The following PRDM16 variants were observed in gnomAD, a reference collection of about 807,000 sequenced individuals.
PRDM16 encodes PR/SET domain 16, also known as histone-lysine N-methyltransferase PRDM16.
PRDM16 carries 23 observed loss-of-function variants against 110.6 expected under a neutral mutation model. The observed-to-expected ratio is 0.21, with a 90% CI of 0.15 to 0.29. The LOEUF (loss-of-function observed/expected upper bound fraction) is 0.29. Among genes scored for constraint, PRDM16 ranks in the 10% least tolerant of loss-of-function variants. The pLI is 1.00. For missense variants in PRDM16, 1,615 were observed against 1,794.3 expected, an observed-to-expected ratio of 0.90 and a Z score of 1.81; for synonymous variants, 799 against 781.8, an observed-to-expected ratio of 1.02 and a Z score of -0.37.
intron 1 of PRDM16, among the ~76,000 whole-genome samples, chr1:3,077,558 G>T (rs1641928035): frequency 6.6e-6 from 1 of 152,244 alleles, no homozygotes; most frequent in Admixed American, 6.5e-5. Flanking sequence ...GTGTTTAGTA[G>T]GTGCTTTTTC....
chr1:3,135,400 A>G (rs1246289261), intron 1 of PRDM16, among the ~76,000 whole-genome samples: 2 of 152,144 alleles, frequency 1.3e-5, no homozygotes, highest in East Asian at 3.9e-4. Flanking sequence ...AAGAAAACAC[A>G]AGAGCCCACA....
intron 16 of PRDM16, 72 bp downstream of exon 16, chr1:3,432,212 C>A: frequency 7.2e-7 from 1 of 1,384,514 alleles, no homozygotes; most frequent in South Asian, 1.3e-5. Flanking sequence ...GCACTCCTCT[C>A]CCGCCGTGGC....
At chr1:3,158,660 T>C (rs1240626303) in intron 1 of PRDM16, among the ~76,000 whole-genome samples, 1 of 151,690 alleles carries the variant, frequency 6.6e-6, no homozygotes, top group African/African-American at 2.4e-5. Flanking sequence ...TTCTTTTTCT[T>C]TTTTCTCTCT....
intron 1 of PRDM16, among the ~76,000 whole-genome samples, chr1:3,173,087 C>T (rs574338839): frequency 6.6e-6 from 1 of 152,222 alleles, no homozygotes; most frequent in Non-Finnish European, 1.5e-5. Context: ...AGGAGAGGCA[C>T]CCCGCTCTGC....
intron 3 of PRDM16, among the ~76,000 whole-genome samples, chr1:3,302,112 A>T (rs1301313925): frequency 6.6e-6 from 1 of 152,168 alleles, no homozygotes; most frequent in African/African-American, 2.4e-5. Flanking sequence ...CCTAGGAGAG[A>T]TACTGTGTTA....
intron 1 of PRDM16, among the ~76,000 whole-genome samples, chr1:3,154,696 G>A (rs894538612): frequency 7.2e-5 from 11 of 152,276 alleles, no homozygotes; most frequent in Non-Finnish European, 1.2e-4. Context: ...TGCTGGTCGC[G>A]GTGGAGGAAG....
chr1:3,335,102 G>A (rs1373812086), intron 3 of PRDM16, among the ~76,000 whole-genome samples: 3 of 152,178 alleles, frequency 2.0e-5, no homozygotes, highest in African/African-American at 4.8e-5. Context: ...GAGGGTGGGC[G>A]CCCTGAGAGA....
intron 1 of PRDM16, among the ~76,000 whole-genome samples, chr1:3,180,846 ACACGCAGTCTTACG>A (rs1644143054): frequency 6.7e-6 from 1 of 149,048 alleles, no homozygotes. Flanking sequence ...CTCTGCTTAC[ACACGCAGTCTTACG>A]CACGGCCTTA....
chr1:3,069,252 C>G lies in PRDM16; in HGVS notation c.-8C>G, dbSNP rs1212132621. The G allele has an allele frequency of 6.3e-7, 1 of 1,576,808 alleles. No individual in the cohort carries two copies. The highest frequency in any genetic ancestry group is 1.1e-5 in the South Asian group (1 of 87,284). ...AGGAGGAGGAGAGAGATTCCGCGAGCCGACACCATGCGATCCAAGGCGAGG... is the reference window on the plus strand; with the variant it reads ...AGGAGGAGGAGAGAGATTCCGCGAGGCGACACCATGCGATCCAAGGCGAGG... On this transcript the variant is annotated 5_prime_UTR_variant, in exon 1 of 17. Coordinates refer to ENST00000270722, the MANE Select transcript of PRDM16 (RefSeq NM_022114.4). This position sits in a 1 kb window ranked among gnomAD's most constrained non-coding sequence, Gnocchi z 6.1.
intron 1 of PRDM16, among the ~76,000 whole-genome samples, chr1:3,097,089 C>T (rs1475693786): frequency 6.6e-6 from 1 of 152,170 alleles, no homozygotes; most frequent in Non-Finnish European, 1.5e-5. Context: ...GACAGCGCTT[C>T]ACCCAGGCCG....
intron 1 of PRDM16, among the ~76,000 whole-genome samples, chr1:3,090,101 C>T (rs1384193983): frequency 6.6e-6 from 1 of 152,210 alleles, no homozygotes; most frequent in Non-Finnish European, 1.5e-5. Context: ...ACAAACCCCC[C>T]AGCCAGGATG....
chr1:3,272,368 G>A (rs1168382046), intron 3 of PRDM16, among the ~76,000 whole-genome samples: 3 of 152,202 alleles, frequency 2.0e-5, no homozygotes, highest in Non-Finnish European at 4.4e-5. Flanking sequence ...GCCAAGGCTG[G>A]ATGTGTTTTT....
At chr1:3,083,207 G>T (rs897255289) in intron 1 of PRDM16, among the ~76,000 whole-genome samples, 2 of 152,192 alleles carry the variant, frequency 1.3e-5, no homozygotes, top group African/African-American at 2.4e-5. Flanking sequence ...CTGGATGAGC[G>T]CAGTGGCAAT....
rs1412767477 is a variant in PRDM16, at chr1:3,339,700, A to C, written c.439-45452A>C. Among the ~76,000 whole-genome samples, 2 of 152,084 alleles carry C rather than the reference A, an allele frequency of 1.3e-5. No homozygotes were observed. ...GTGTGGTGGGGGGTGTGCAGAGCTC[A>C]GTTACCCCATCTGCCTCAGCCTCCC... On this transcript the variant is annotated intron_variant, in intron 3 of 16. Transcript: ENST00000270722. The surrounding 1 kb of genome is among the most constrained non-coding windows in gnomAD (Gnocchi z 5.0).
chr1:3,187,949 C>T (rs948098749), intron 2 of PRDM16, among the ~76,000 whole-genome samples: 1 of 152,172 alleles, frequency 6.6e-6, no homozygotes, highest in East Asian at 1.9e-4. Context: ...ACCCCCCCAA[C>T]GAGAGGCAGA....
At chr1:3,409,842 G>GTGTGTGTATGTGCGTGTGTGTGT (rs1643646456) in intron 8 of PRDM16, among the ~76,000 whole-genome samples, 1 of 141,800 alleles carries the variant, frequency 7.1e-6, no homozygotes, top group Non-Finnish European at 1.5e-5. Flanking sequence ...TGGGTGTGTG[G>GTGTGTGTATGTGCGTGTGTGTGT]TGTGGGTGTG....
intron 3 of PRDM16, among the ~76,000 whole-genome samples, chr1:3,260,735 G>A (rs368653659): frequency 8.0e-6 from 1 of 124,784 alleles, no homozygotes; most frequent in Non-Finnish European, 1.7e-5. Flanking sequence ...TGATGGTGAT[G>A]GTGGTGATGA....
At chr1:3,356,762 G>A (rs1486513798) in intron 3 of PRDM16, among the ~76,000 whole-genome samples, 1 of 152,192 alleles carries the variant, frequency 6.6e-6, no homozygotes. Context: ...GGGAAGGTGG[G>A]CACGGGACAG....
chr1:3,087,321 T>A lies in PRDM16; in HGVS notation c.37+18025T>A, dbSNP rs138982100. Among the ~76,000 whole-genome samples the A allele has an allele frequency of 1.7e-4, 26 of 150,974 alleles. No individual in the cohort carries two copies. The East Asian group carries it at 4.9e-3, about 29-fold the overall frequency. ...CCAGCCAGGGCCTCTCACCTTCACA[T>A]CCCTCTACAGCAGCAAGAGGCCCCG... On this transcript the variant is annotated intron_variant, in intron 1 of 16. Coordinates refer to ENST00000270722, the MANE Select transcript of PRDM16 (RefSeq NM_022114.4).
Sources: allele counts gnomAD v4.1 joint callset (sites outside exome capture counted in the v4.1 genomes callset), GRCh38; gene constraint gnomAD v4.1.1; non-coding constraint Gnocchi (gnomAD v3.1); transcripts MANE v1.5; gene names NCBI Gene and HGNC (gene_info 2026-07-23, HGNC 2026-07-21).